The following PTPRT variants were observed in gnomAD, a reference collection of about 807,000 sequenced individuals.
PTPRT encodes the protein receptor-type tyrosine-protein phosphatase T.
PTPRT carries 56 observed loss-of-function variants against 176.8 expected under a neutral mutation model. The observed-to-expected ratio is 0.32, with a 90% CI of 0.26 to 0.40. The LOEUF is 0.40. Among genes scored for constraint, PTPRT ranks in the 10% least tolerant of loss-of-function variants. PTPRT has a pLI of 1.00. For synonymous variants in PTPRT, 783 were observed against 739.0 expected, an observed-to-expected ratio of 1.06 and a Z score of -0.96; for missense variants, 1,540 against 1,908.2, an observed-to-expected ratio of 0.81 and a Z score of 3.60.
chr20:42,876,164 AT>A (rs369724360), intron 2 of PTPRT, among the ~76,000 whole-genome samples: 1 of 152,166 alleles, frequency 6.6e-6, no homozygotes. Flanking sequence ...CAAACTCAGC[AT>A]TTTTTAAGAA....
chr20:42,648,497 C>G (rs6072813), intron 7 of PTPRT, among the ~76,000 whole-genome samples: 1 of 152,108 alleles, frequency 6.6e-6, no homozygotes, highest in Non-Finnish European at 1.5e-5. Context: ...ACAGCAGGTT[C>G]TATCATTAAG....
chr20:42,603,270 G>A (rs1017031107), intron 7 of PTPRT, among the ~76,000 whole-genome samples: 1 of 152,130 alleles, frequency 6.6e-6, no homozygotes, highest in Non-Finnish European at 1.5e-5. Context: ...GGAGAGAACT[G>A]CTTTAGACTG....
intron 1 of PTPRT, among the ~76,000 whole-genome samples, chr20:43,028,456 C>A (rs1310168430): frequency 2.0e-5 from 3 of 152,190 alleles, no homozygotes; most frequent in African/African-American, 7.2e-5. Context: ...CTAGAAGCCT[C>A]CAATATCCTG....
In PTPRT at chr20:42,458,329, A is replaced by G. The variant is rs192098325; in HGVS notation, c.1451-10000T>C. ...AAAGGCAGTATTGTAGAATTAAACA[A>G]TGATCAAGGGTTGAAGCCACACTGC... On this transcript the variant is annotated intron_variant, in intron 8 of 30. Coordinates refer to ENST00000373187, the MANE Select transcript of PTPRT (RefSeq NM_007050.6). 4.3e-3 allele frequency among the ~76,000 whole-genome samples: 653 copies of G among 152,326 alleles called. 2 individuals carry two copies. Among genetic ancestry groups the G allele is most frequent in the Middle Eastern group, 0.01 (3 of 294 alleles).
At chr20:42,146,684 T>C (rs544561226) in intron 17 of PTPRT, among the ~76,000 whole-genome samples, 1,817 of 152,314 alleles carry the variant, frequency 0.012, 17 homozygotes, top group Middle Eastern at 0.034. Flanking sequence ...GTTTGTCCCC[T>C]CCAATCCATT....
intron 15 of PTPRT, among the ~76,000 whole-genome samples, chr20:42,210,123 A>C (rs2055584152): frequency 6.6e-6 from 1 of 152,218 alleles, no homozygotes; most frequent in African/African-American, 2.4e-5. Flanking sequence ...ACTCTCAATA[A>C]ATTGGGTATT....
chr20:42,280,806 T>C (rs1279634870), intron 13 of PTPRT, among the ~76,000 whole-genome samples: 1 of 152,108 alleles, frequency 6.6e-6, no homozygotes, highest in Non-Finnish European at 1.5e-5. Flanking sequence ...GAGAGTATAG[T>C]TTTAGAGATT....
intron 1 of PTPRT, among the ~76,000 whole-genome samples, chr20:43,083,356 A>ATATACATATATATT (rs2011513834): frequency 7.6e-6 from 1 of 131,316 alleles, no homozygotes; most frequent in African/African-American, 2.8e-5. Flanking sequence ...ATATATATAT[A>ATATACATATATATT]TATATATATA....
intron 7 of PTPRT, among the ~76,000 whole-genome samples, chr20:42,537,273 A>C (rs2072493629): frequency 6.6e-6 from 1 of 152,170 alleles, no homozygotes; most frequent in Admixed American, 6.5e-5. Flanking sequence ...CCACGAGTTT[A>C]AATGGACATA....
intron 7 of PTPRT, among the ~76,000 whole-genome samples, chr20:42,662,365 A>T (rs2075238972): frequency 6.6e-6 from 1 of 152,166 alleles, no homozygotes; most frequent in Non-Finnish European, 1.5e-5. Context: ...AGCTGGGTCC[A>T]GAGCAGGACT....
intron 2 of PTPRT, among the ~76,000 whole-genome samples, chr20:42,881,681 C>T (rs779520534): frequency 5.7e-5 from 8 of 140,448 alleles, no homozygotes; most frequent in Non-Finnish European, 9.0e-5. Context: ...GCTGAGATAA[C>T]GCCACAGCAC....
chr20:42,796,722 T>C (rs142045462), intron 2 of PTPRT, among the ~76,000 whole-genome samples: 20 of 152,348 alleles, frequency 1.3e-4, no homozygotes, highest in African/African-American at 4.6e-4. Flanking sequence ...TGCACACACG[T>C]TGGGCATTCC....
In PTPRT at chr20:42,934,198, T is replaced by G. The variant is rs192399850; in HGVS notation, c.89-48266A>C. 1.4e-4 allele frequency among the ~76,000 whole-genome samples: 21 copies of G among 152,234 alleles called. No homozygotes were observed. In the East Asian group the frequency reaches 1.7e-3, roughly 13 times the overall value. ...AGGCAGTTTGCTGGGCCTGGAGGTG[T>G]GTCAAATTGCAGTGCCATGAATGCC... On this transcript the variant is annotated intron_variant, in intron 1 of 30. Transcript: ENST00000373187.
intron 1 of PTPRT, among the ~76,000 whole-genome samples, chr20:43,097,750 C>T (rs1448196476): frequency 1.3e-5 from 2 of 152,124 alleles, no homozygotes; most frequent in Non-Finnish European, 2.9e-5. Context: ...GAGGGAGACA[C>T]CTAAGCCCAG....
In PTPRT at chr20:42,236,267, T is replaced by C. The variant is rs1298518921; in HGVS notation, c.2313-9A>G. Reference sequence around the variant, plus strand: ...AGGAATAAGCATTTCTTCTATATATTGATGGGCAGTCAGATGAAGGAAATG... The same window carrying C: ...AGGAATAAGCATTTCTTCTATATATCGATGGGCAGTCAGATGAAGGAAATG... On this transcript the variant is annotated splice_polypyrimidine_tract_variant and intron_variant, in intron 14 of 30. Transcript: ENST00000373187. 6.3e-7 allele frequency: 1 copy of C among 1,589,710 alleles called. No individual in the cohort carries two copies. Among genetic ancestry groups the C allele is most frequent in the Non-Finnish European group, 8.6e-7 (1 of 1,159,384 alleles).
chr20:43,160,413 T>C (rs1012588211), intron 1 of PTPRT, among the ~76,000 whole-genome samples: 3 of 152,226 alleles, frequency 2.0e-5, no homozygotes, highest in Admixed American at 2.0e-4. Flanking sequence ...AAAGAGGTGC[T>C]TGCTGGCATG....
rs369837092 is a variant in PTPRT at position 42,115,274 on chromosome 20, G to A, written c.3024C>T (p.Tyr1008=). The change falls in exon 22 of 31, where the codon TAC becomes TAT. Residue 1008 remains tyrosine (Y), a synonymous_variant. Coordinates refer to ENST00000373187, the MANE Select transcript of PTPRT (RefSeq NM_007050.6). ...CAATCAGGGTGACTTTAATGTCTCCGTAGACCTCCGTGTCATCTGGCCAGT... is the reference window on the plus strand; with the variant it reads ...CAATCAGGGTGACTTTAATGTCTCCATAGACCTCCGTGTCATCTGGCCAGT... ...VRYWPDDTEV[Y]GDIKVTLIET... 7.6e-5 allele frequency: 122 copies of A among 1,614,078 alleles called. No homozygotes were observed. Among genetic ancestry groups the A allele is most frequent in the African/African-American group, 1.3e-4 (10 of 75,032 alleles).
intron 13 of PTPRT, among the ~76,000 whole-genome samples, chr20:42,281,911 T>C (rs1311885921): frequency 6.6e-6 from 1 of 152,216 alleles, no homozygotes; most frequent in East Asian, 1.9e-4. Context: ...ATGTACCAAC[T>C]GAAAGAGCCA....
At chr20:42,500,313 C>T (rs1034061784) in intron 7 of PTPRT, among the ~76,000 whole-genome samples, 1 of 151,892 alleles carries the variant, frequency 6.6e-6, no homozygotes, top group African/African-American at 2.4e-5. Flanking sequence ...CTCTTTATGC[C>T]GGTCTACTCA....
Sources: allele counts gnomAD v4.1 joint callset (sites outside exome capture counted in the v4.1 genomes callset), GRCh38; gene constraint gnomAD v4.1.1; transcripts MANE v1.5; gene names NCBI Gene and HGNC (gene_info 2026-07-23, HGNC 2026-07-21).